FGF7: variants seen among roughly 807,000 people sequenced by gnomAD.
FGF7 encodes the protein fibroblast growth factor 7, also known as FGF-7.
A neutral mutation model predicts 20.5 loss-of-function variants in FGF7; 6 were observed. The observed-to-expected ratio is 0.29, with a 90% CI of 0.16 to 0.58. The LOEUF (loss-of-function observed/expected upper bound fraction) is 0.58. Ranked by LOEUF, FGF7 falls within the 20% of genes least tolerant of loss-of-function variation. The pLI, the probability that FGF7 is intolerant of heterozygous loss-of-function variation, is 0.90. For synonymous variants in FGF7, 64 were observed against 74.7 expected (o/e 0.86, Z 0.74); for missense variants, 144 against 228.8 (o/e 0.63, Z 2.39).
chr15:49,464,392 T>A (rs1567327510), intron 2 of FGF7, among the ~76,000 whole-genome samples: 1 of 152,216 alleles, frequency 6.6e-6, no homozygotes, highest in African/African-American at 2.4e-5. Flanking sequence ...TCTAAAATGA[T>A]CCAACTTAGT....
chr15:49,452,762 A>G (rs2052884700), intron 2 of FGF7, among the ~76,000 whole-genome samples: 1 of 152,172 alleles, frequency 6.6e-6, no homozygotes, highest in South Asian at 2.1e-4. Flanking sequence ...TGTGCTTACA[A>G]GATTATTAAA....
At chr15:49,468,737 T>A (rs911287489) in intron 2 of FGF7, among the ~76,000 whole-genome samples, 1 of 152,108 alleles carries the variant, frequency 6.6e-6, no homozygotes, top group Non-Finnish European at 1.5e-5. Context: ...ACTCAAACAT[T>A]GAATCATTCC....
At chr15:49,466,617 G>C (rs187742198) in intron 2 of FGF7, among the ~76,000 whole-genome samples, 6 of 152,222 alleles carry the variant, frequency 3.9e-5, no homozygotes, top group African/African-American at 1.4e-4. Context: ...AAAGTCAGAA[G>C]GGCTGGAGGC....
chr15:49,425,704 G>A (rs2050065763), intron 2 of FGF7, among the ~76,000 whole-genome samples: 1 of 151,914 alleles, frequency 6.6e-6, no homozygotes, highest in East Asian at 1.9e-4. Context: ...GGGAATTTCA[G>A]AGAATTATGT....
At chr15:49,479,013 G>C (rs757960356) in intron 2 of FGF7, among the ~76,000 whole-genome samples, 1 of 152,056 alleles carries the variant, frequency 6.6e-6, no homozygotes, top group Non-Finnish European at 1.5e-5. Flanking sequence ...TTCATTCCAA[G>C]TGTGATACAG....
intron 2 of FGF7, among the ~76,000 whole-genome samples, chr15:49,477,420 G>C (rs548693599): frequency 6.6e-5 from 10 of 152,242 alleles, no homozygotes; most frequent in African/African-American, 2.4e-4. Flanking sequence ...TCATATGGCT[G>C]GAATCATACA....
At chr15:49,431,899 G>A (rs1357327576) in intron 2 of FGF7, among the ~76,000 whole-genome samples, 1 of 151,488 alleles carries the variant, frequency 6.6e-6, no homozygotes. Context: ...AAATGCTGGG[G>A]GTTGGATTTA....
At chr15:49,471,187 G>C (rs1301986161) in intron 2 of FGF7, among the ~76,000 whole-genome samples, 1 of 152,064 alleles carries the variant, frequency 6.6e-6, no homozygotes, top group Non-Finnish European at 1.5e-5. Flanking sequence ...CCATCATTAA[G>C]AATATGGCAA....
chr15:49,463,932 T>TTTTTG (rs2054034697), intron 2 of FGF7, among the ~76,000 whole-genome samples: 1 of 151,710 alleles, frequency 6.6e-6, no homozygotes, highest in Admixed American at 6.6e-5. Context: ...TTTGTTTGTT[T>TTTTTG]TTTGTTTGTT....
chr15:49,449,399 T>C (rs1192521329), intron 2 of FGF7, among the ~76,000 whole-genome samples: 1 of 152,040 alleles, frequency 6.6e-6, no homozygotes, highest in Non-Finnish European at 1.5e-5. Flanking sequence ...TTTAATCTTA[T>C]CTTCTCTAGG....
intron 2 of FGF7, among the ~76,000 whole-genome samples, chr15:49,442,024 T>A (rs1258421966): frequency 6.6e-6 from 1 of 151,652 alleles, no homozygotes; most frequent in East Asian, 1.9e-4. Context: ...AGATCCATTA[T>A]AGTGTCCAGC....
chr15:49,469,543 C>A (rs1336269797), intron 2 of FGF7, among the ~76,000 whole-genome samples: 1 of 152,006 alleles, frequency 6.6e-6, no homozygotes, highest in Admixed American at 6.6e-5. Flanking sequence ...TTTCTGTAGT[C>A]AAGGCCAAAA....
At chr15:49,471,641 A>AT in intron 2 of FGF7, among the ~76,000 whole-genome samples, 2 of 152,072 alleles carry the variant, frequency 1.3e-5, no homozygotes. Flanking sequence ...GAAAGTTATG[A>AT]TTTTCTAATC....
chr15:49,428,908 T>C (rs1174409703), intron 2 of FGF7, among the ~76,000 whole-genome samples: 2 of 152,008 alleles, frequency 1.3e-5, no homozygotes, highest in African/African-American at 4.8e-5. Flanking sequence ...GGCCTAACAA[T>C]TGGCAAAAGG....
intron 2 of FGF7, among the ~76,000 whole-genome samples, chr15:49,457,267 T>C (rs1380846930): frequency 6.6e-6 from 1 of 151,950 alleles, no homozygotes; most frequent in African/African-American, 2.4e-5. Context: ...ATATTCCAAA[T>C]GCGGTAACAA....
intron 2 of FGF7, among the ~76,000 whole-genome samples, chr15:49,432,608 A>T (rs959219041): frequency 2.0e-5 from 3 of 151,680 alleles, no homozygotes; most frequent in Non-Finnish European, 4.4e-5. Context: ...GTTGTCAAGA[A>T]CTAAACGAAG....
intron 2 of FGF7, among the ~76,000 whole-genome samples, chr15:49,430,183 T>C (rs1468173046): frequency 6.6e-6 from 1 of 151,922 alleles, no homozygotes; most frequent in East Asian, 1.9e-4. Context: ...GTAGCTACTA[T>C]GTTAAGAAGA....
chr15:49,445,689 A>G (rs2052132960), intron 2 of FGF7, among the ~76,000 whole-genome samples: 1 of 151,582 alleles, frequency 6.6e-6, no homozygotes, highest in Non-Finnish European at 1.5e-5. Context: ...AAAATATAGA[A>G]AAGTATATGA....
rs561478879 is a variant in FGF7, at chr15:49,442,270, A to C, written c.286+17687A>C. On this transcript the variant is annotated intron_variant, in intron 2 of 3. Coordinates refer to ENST00000267843, the MANE Select transcript of FGF7 (RefSeq NM_002009.4). ...AAACATCCATACTTTTTCACTCTGC[A>C]TGACAATATTGACTAGAATTTTTCT... 7.2e-5 allele frequency among the ~76,000 whole-genome samples: 11 copies of C among 151,746 alleles called. No homozygotes were observed. The South Asian group carries it at 2.3e-3, about 31-fold the overall frequency.
Sources: gnomAD v4.1 joint callset for allele counts (sites outside exome capture counted in the v4.1 genomes callset) on GRCh38, gnomAD v4.1.1 for gene constraint, MANE v1.5 for transcripts, NCBI Gene and HGNC (gene_info 2026-07-23, HGNC 2026-07-21) for gene names.